Variants in TRDN observed in about 807,000 individuals in gnomAD.
TRDN encodes the protein triadin.
In TRDN, 161 loss-of-function variants were observed where a neutral mutation model predicts 149.7. The observed-to-expected ratio is 1.08, with a 90% confidence interval of 0.95 to 1.23. TRDN has a LOEUF of 1.23. Among genes scored for constraint, TRDN ranks in the 50% most tolerant of loss-of-function variants. The pLI is 0.00. For missense variants in TRDN, 896 were observed against 823.5 expected, an observed-to-expected ratio of 1.09 and a Z score of -1.08; for synonymous variants, 294 against 250.5, an observed-to-expected ratio of 1.17 and a Z score of -1.64.
At chr6:123,231,642 TAGTC>T (rs747184617) in intron 38 of TRDN, among the ~76,000 whole-genome samples, 78 of 152,098 alleles carry the variant, frequency 5.1e-4, no homozygotes, top group Non-Finnish European at 9.7e-4. Flanking sequence ...AATGAAGAAA[TAGTC>T]AGTGTTTCTC....
chr6:123,318,891 C>T (rs1391508280), intron 23 of TRDN, among the ~76,000 whole-genome samples: 4 of 152,034 alleles, frequency 2.6e-5, no homozygotes, highest in African/African-American at 7.2e-5. Flanking sequence ...TATTATCTAA[C>T]GTGTGGCTGT....
chr6:123,629,143 T>A (rs950378167), intron 1 of TRDN, among the ~76,000 whole-genome samples: 2 of 152,146 alleles, frequency 1.3e-5, no homozygotes, highest in Admixed American at 1.3e-4. Context: ...ATATCTCTTA[T>A]TTTTGTCTTG....
chr6:123,485,608 A>G (rs1486931997), intron 9 of TRDN, among the ~76,000 whole-genome samples: 1 of 152,180 alleles, frequency 6.6e-6, no homozygotes, highest in African/African-American at 2.4e-5. Context: ...ATGGGTAGAA[A>G]ATCACAATTC....
intron 24 of TRDN, among the ~76,000 whole-genome samples, chr6:123,302,486 C>T (rs1395226249): frequency 6.6e-6 from 1 of 151,982 alleles, no homozygotes; most frequent in Non-Finnish European, 1.5e-5. Context: ...CAGAAATCAC[C>T]CATCAAGTGA....
chr6:123,584,258 G>C (rs1783301063), intron 1 of TRDN, among the ~76,000 whole-genome samples: 1 of 152,168 alleles, frequency 6.6e-6, no homozygotes. Flanking sequence ...GGAGCAGAAA[G>C]TATATGCGTC....
chr6:123,554,819 A>G (rs1470030013), intron 2 of TRDN, among the ~76,000 whole-genome samples: 1 of 152,204 alleles, frequency 6.6e-6, no homozygotes, highest in Admixed American at 6.5e-5. Context: ...CCACTAAGTC[A>G]ATAGGTTTCT....
At chr6:123,266,422 T>TAA (rs1369171617) in intron 32 of TRDN, among the ~76,000 whole-genome samples, 4 of 99,496 alleles carry the variant, frequency 4.0e-5, no homozygotes, top group Non-Finnish European at 5.2e-5. Context: ...ATATAGATTA[T>TAA]GATATGTATT....
chr6:123,584,482 C>T (rs200559669), intron 1 of TRDN, among the ~76,000 whole-genome samples: 31,024 of 151,734 alleles, frequency 0.2, 3,988 homozygotes, highest in East Asian at 0.5. Context: ...TCTGACCGCA[C>T]TAACCATGCC....
chr6:123,449,530 T>C (rs1775634157), intron 10 of TRDN, among the ~76,000 whole-genome samples: 1 of 152,070 alleles, frequency 6.6e-6, no homozygotes, highest in Non-Finnish European at 1.5e-5. Context: ...GAACAGTGAA[T>C]AAGAAAATAT....
chr6:123,245,697 A>G (rs1776148952), intron 38 of TRDN, among the ~76,000 whole-genome samples: 1 of 152,156 alleles, frequency 6.6e-6, no homozygotes, highest in African/African-American at 2.4e-5. Context: ...ACAGAACATT[A>G]ACAAGGATAT....
chr6:123,634,640 A>G (rs141145602), intron 1 of TRDN, among the ~76,000 whole-genome samples: 1 of 152,100 alleles, frequency 6.6e-6, no homozygotes, highest in Non-Finnish European at 1.5e-5. Flanking sequence ...GTGTAGTAAC[A>G]AAGTGTGAAA....
intron 1 of TRDN, among the ~76,000 whole-genome samples, chr6:123,573,931 G>A (rs534267836): frequency 3.9e-4 from 59 of 152,022 alleles, no homozygotes; most frequent in African/African-American, 1.4e-3. Context: ...AAATACTTTA[G>A]TTAATAAAGT....
intron 24 of TRDN, among the ~76,000 whole-genome samples, chr6:123,301,711 A>G (rs1020246563): frequency 4.8e-5 from 7 of 145,118 alleles, no homozygotes; most frequent in Non-Finnish European, 7.5e-5. Context: ...TAATAAACCA[A>G]CCTCCCAGTA....
At chr6:123,297,197 G>A (rs1778235280) in intron 24 of TRDN, among the ~76,000 whole-genome samples, 1 of 151,936 alleles carries the variant, frequency 6.6e-6, no homozygotes, top group African/African-American at 2.4e-5. Context: ...TAATTTCTAT[G>A]AAATATTTTT....
rs1777009200 is a variant in TRDN at position 123,266,685 on chromosome 6, G to A, written c.1783+1022C>T. 2.3e-5 allele frequency among the ~76,000 whole-genome samples: 2 copies of A among 85,228 alleles called. 1 individual carries two copies. The highest frequency in any genetic ancestry group is 3.8e-4 in the Admixed American group (2 of 5,240). 55.9% of individuals were successfully genotyped at this position (85,228 alleles called of 152,430 possible). A position where few individuals can be genotyped will look rare whatever the true frequency, so the allele number is the denominator to read the frequency against. ...AATATGTATATATTATAATATATATGTAATATATTATAATATGTATTATAT... is the reference window on the plus strand; with the variant it reads ...AATATGTATATATTATAATATATATATAATATATTATAATATGTATTATAT... On this transcript the variant is annotated intron_variant, in intron 32 of 40. Coordinates refer to ENST00000334268, the MANE Select transcript of TRDN (RefSeq NM_006073.4).
At chr6:123,586,113 T>G (rs1783465320) in intron 1 of TRDN, among the ~76,000 whole-genome samples, 1 of 151,926 alleles carries the variant, frequency 6.6e-6, no homozygotes, top group Admixed American at 6.6e-5. Context: ...GATGAAAGAG[T>G]CTAAATGCTC....
intron 1 of TRDN, among the ~76,000 whole-genome samples, chr6:123,614,315 CAAAA>C (rs1171351803): frequency 1.3e-5 from 1 of 77,456 alleles, no homozygotes; most frequent in Non-Finnish European, 2.5e-5. Flanking sequence ...AAAAAAAAAA[CAAAA>C]AAAACCCTCA....
At chr6:123,347,451 C>G (rs1321141579) in intron 21 of TRDN, among the ~76,000 whole-genome samples, 2 of 151,950 alleles carry the variant, frequency 1.3e-5, no homozygotes, top group East Asian at 3.9e-4. Context: ...ATGCTTACAA[C>G]CTTACTTAAA....
At chr6:123,552,961 G>A (rs1490355318) in intron 2 of TRDN, among the ~76,000 whole-genome samples, 1 of 152,040 alleles carries the variant, frequency 6.6e-6, no homozygotes, top group East Asian at 1.9e-4. Flanking sequence ...CAGTTAGTGG[G>A]AAAAAGGATA....
Sources: allele counts gnomAD v4.1 joint callset (sites outside exome capture counted in the v4.1 genomes callset), GRCh38; gene constraint gnomAD v4.1.1; transcripts MANE v1.5; gene names NCBI Gene and HGNC (gene_info 2026-07-23, HGNC 2026-07-21).